The following PIK3C2B variants were observed in gnomAD, a reference collection of about 807,000 sequenced individuals.
PIK3C2B encodes phosphatidylinositol 4-phosphate 3-kinase C2 domain-containing subunit beta.
PIK3C2B carries 83 observed loss-of-function variants against 184.3 expected under a neutral mutation model. The observed-to-expected ratio is 0.45, with a 90% CI of 0.38 to 0.54. PIK3C2B has a LOEUF of 0.54. PIK3C2B is among the 20% of genes least tolerant of loss of function. The probability of loss-of-function intolerance (pLI) is 0.00; values close to 1 mark genes in which losing one functional copy is unlikely to be tolerated. For missense variants in PIK3C2B, 1,736 were observed against 2,113.5 expected (o/e 0.82, Z 3.50); for synonymous variants, 779 against 837.6 (o/e 0.93, Z 1.21).
chr1:204,449,925 G>T lies in PIK3C2B; in HGVS notation c.2159C>A (p.Ser720Tyr). Residue 720 changes from serine (S) to tyrosine (Y), a missense_variant, in exon 13 of 33, where the codon TCC becomes TAC. By Grantham distance (144) the Ser-to-Tyr change is moderately radical (BLOSUM62 -2). This residue lies in a region of PIK3C2B where 609 missense variants were observed against 699.2 expected (regional missense o/e 0.87). Coordinates refer to ENST00000684373, the MANE Select transcript of PIK3C2B (RefSeq NM_001377334.1). ...YALPIPPPGS[S>Y]SEANKQRRVP... is the part of the protein sequence containing the mutation. ...CCGCCGCTGCTTATTGGCCTCTGAG[G>T]AGCTCCCCGGTGGGGGGATGGGCAG... 1 of 1,613,708 alleles carries T rather than the reference G, an allele frequency of 6.2e-7. No individual in the cohort carries two copies. The highest frequency in any genetic ancestry group is 8.5e-7 in the Non-Finnish European group (1 of 1,179,862).
intron 1 of PIK3C2B, chr1:204,489,830 T>C (rs544179051): frequency 2.5e-6 from 1 of 398,062 alleles, no homozygotes; most frequent in South Asian, 1.3e-4. Flanking sequence ...TTCTTCTACC[T>C]GGCAAGGCAA....
chr1:204,494,124 C>CTGGAG (rs1450865411), intron 1 of PIK3C2B, among the ~76,000 whole-genome samples: 1 of 152,152 alleles, frequency 6.6e-6, no homozygotes, highest in South Asian at 2.1e-4. Context: ...CCTGAAGCTG[C>CTGGAG]TGGAGTGGAG....
In PIK3C2B at chr1:204,460,407, T is replaced by G. The variant is rs1455397259; in HGVS notation, c.1423-4A>C. On this transcript the variant is annotated splice_polypyrimidine_tract_variant and splice_region_variant and intron_variant, in intron 6 of 32. Coordinates refer to ENST00000684373, the MANE Select transcript of PIK3C2B (RefSeq NM_001377334.1). ...AGGGGCTCTGGTCATCATTCACCTG[T>G]ATAAGAAGTGACCTATTCAGAGAGG... is the stretch of plus-strand genomic sequence containing the variant. The G allele has an allele frequency of 5.6e-6, 9 of 1,612,196 alleles. No individual in the cohort carries two copies. The highest frequency in any genetic ancestry group is 1.7e-5 in the Admixed American group (1 of 60,008).
rs1267592830 is a variant in PIK3C2B, at chr1:204,455,990, T to C, written c.1809A>G (p.Thr603=). The C allele has an allele frequency of 1.2e-6, 2 of 1,614,162 alleles. No homozygotes were observed. The highest frequency in any genetic ancestry group is 1.7e-5 in the Admixed American group (1 of 60,032). Residue 603 remains threonine, a synonymous_variant, in exon 11 of 33, where the codon ACA becomes ACG. Transcript: ENST00000684373. ...ILDLVELYCN[T]FNADFQTAVP... ...CTGCCGTCTGGAAGTCTGCGTTGAATGTGTTGCAGTACAGCTCCACCAGGT... is the reference window on the plus strand; with the variant it reads ...CTGCCGTCTGGAAGTCTGCGTTGAACGTGTTGCAGTACAGCTCCACCAGGT...
chr1:204,446,055 G>A lies in PIK3C2B; in HGVS notation c.2579C>T (p.Ala860Val). ...CAGGCAAGCCCACTCCCAGCTGGGG[G>A]CGCTGGCGAGCACCAGGGGGAGCGA... ...VSSLPLVLAS[A>V]PSWEWACLPD... The change falls in exon 16 of 33, where the codon GCC becomes GTC. Residue 860 changes from alanine to valine, a missense_variant. Ala to Val is a moderately conservative substitution (Grantham distance 64). Around this residue, in one of 8 missense-constraint regions of PIK3C2B, gnomAD observed 609 missense variants for 699.2 expected, o/e 0.87. Coordinates refer to ENST00000684373, the MANE Select transcript of PIK3C2B (RefSeq NM_001377334.1). The A allele has an allele frequency of 6.2e-7, 1 of 1,601,844 alleles. No individual in the cohort carries two copies. The highest frequency in any genetic ancestry group is 8.5e-7 in the Non-Finnish European group (1 of 1,171,748).
At chr1:204,454,619 T>C in intron 12 of PIK3C2B, 50 bp downstream of exon 12, 5 of 1,601,280 alleles carry the variant, frequency 3.1e-6, no homozygotes, top group Non-Finnish European at 4.3e-6. Flanking sequence ...TTTCAGAGGC[T>C]GAGCAGGTCT....
chr1:204,481,254 C>G (rs557337436), intron 1 of PIK3C2B, among the ~76,000 whole-genome samples: 1 of 143,848 alleles, frequency 7.0e-6, no homozygotes, highest in South Asian at 2.3e-4. Flanking sequence ...GGCCTAGACC[C>G]ATAAGGTCAC....
chr1:204,483,764 C>T (rs189030475), intron 1 of PIK3C2B, among the ~76,000 whole-genome samples: 1 of 152,278 alleles, frequency 6.6e-6, no homozygotes, highest in East Asian at 1.9e-4. Flanking sequence ...AGACAGATGT[C>T]CTTAAGACAG....
chr1:204,450,034 G>A lies in PIK3C2B; in HGVS notation c.2067-17C>T. The A allele has an allele frequency of 6.5e-7, 1 of 1,535,344 alleles. No homozygotes were observed. Among genetic ancestry groups the A allele is most frequent in the Non-Finnish European group, 8.8e-7 (1 of 1,137,208 alleles). ...AAGCAGATCCTATGGAGGACAGGAAGTCAAATTAGGAGGGGCCACTCCTGT... is the reference window on the plus strand; with the variant it reads ...AAGCAGATCCTATGGAGGACAGGAAATCAAATTAGGAGGGGCCACTCCTGT... On this transcript the variant is annotated splice_polypyrimidine_tract_variant and intron_variant, in intron 12 of 32. Transcript: ENST00000684373.
intron 1 of PIK3C2B, among the ~76,000 whole-genome samples, chr1:204,482,247 C>T (rs919572895): frequency 6.6e-6 from 1 of 152,170 alleles, no homozygotes; most frequent in Non-Finnish European, 1.5e-5. Context: ...GGCAGCCTGC[C>T]CCTTTAAGGC....
rs1658241214 is a variant in PIK3C2B, at chr1:204,494,562, G to A, written c.-291C>T. 6.6e-6 allele frequency: 1 copy of A among 152,320 alleles called. No homozygotes were observed. Among genetic ancestry groups the A allele is most frequent in the African/African-American group, 2.4e-5 (1 of 41,392 alleles). The allele number at this position is 152,320 out of a possible 1,614,324, so 9.4% of individuals were successfully genotyped here. A position where few individuals can be genotyped will look rare whatever the true frequency, so the allele number is the denominator to read the frequency against. On this transcript the variant is annotated 5_prime_UTR_variant, in exon 1 of 33. Transcript: ENST00000684373. ...CAGACCCTAGGCTCCAAGGGGCAGAGGGAGAGGCAGCAAAGGGCGCAAGGA... is the reference window on the plus strand; with the variant it reads ...CAGACCCTAGGCTCCAAGGGGCAGAAGGAGAGGCAGCAAAGGGCGCAAGGA...
At chr1:204,485,910 T>C (rs929812288) in intron 1 of PIK3C2B, among the ~76,000 whole-genome samples, 3 of 152,172 alleles carry the variant, frequency 2.0e-5, no homozygotes, top group Non-Finnish European at 4.4e-5. Flanking sequence ...ATAAGAGCAG[T>C]GCCTGCACAT....
intron 8 of PIK3C2B, 84 bp from the exon 9 acceptor site, chr1:204,457,958 G>A: frequency 7.9e-7 from 1 of 1,267,874 alleles, no homozygotes; most frequent in Non-Finnish European, 1.1e-6. Flanking sequence ...GTCTTTAAAG[G>A]AAAGGGTTGG....
At chr1:204,472,585 C>G (rs1274440650) in intron 1 of PIK3C2B, among the ~76,000 whole-genome samples, 1 of 152,038 alleles carries the variant, frequency 6.6e-6, no homozygotes. Flanking sequence ...TCGAGACCAG[C>G]CTGGCTAACA....
intron 29 of PIK3C2B, 79 bp from the exon 30 acceptor site, chr1:204,428,299 G>A (rs60317484): frequency 2.4e-6 from 2 of 838,998 alleles, no homozygotes; most frequent in South Asian, 1.5e-5. Flanking sequence ...TGTTCCAGAT[G>A]TAAAAAGACT....
Position 204,455,964 on chromosome 1 carries a change from A to G in PIK3C2B, c.1835T>C (p.Val612Ala), listed in dbSNP as rs575096620. ...NTFNADFQTAVPGSRKHDLVQ... is the reference protein window; with the variant it reads ...NTFNADFQTAAPGSRKHDLVQ... ...CAGGTCATGCTTGCGGCTCCCGGGC[A>G]CTGCCGTCTGGAAGTCTGCGTTGAA... The change falls in exon 11 of 33, where the codon GTG becomes GCG. Residue 612 changes from valine (V) to alanine (A), a missense_variant. Transcript: ENST00000684373. 2 of 1,614,192 alleles carry G rather than the reference A, an allele frequency of 1.2e-6. No homozygotes were observed. Among genetic ancestry groups the G allele is most frequent in the East Asian group, 4.5e-5 (2 of 44,884 alleles).
chr1:204,467,216 T>G, intron 2 of PIK3C2B: 1 of 285,748 alleles, frequency 3.5e-6, no homozygotes, highest in Non-Finnish European at 6.9e-6. Context: ...GTGCCCTGAC[T>G]CAGTGAGCAG....
chr1:204,457,582 G>A (rs1256448168), intron 9 of PIK3C2B, 146 bp downstream of exon 9: 1 of 751,002 alleles, frequency 1.3e-6, no homozygotes, highest in African/African-American at 1.8e-5. Context: ...AGCTCTTGCG[G>A]TTGAATTCCT....
In PIK3C2B at chr1:204,440,226, G is replaced by T. The variant is rs1675576196; in HGVS notation, c.3345C>A (p.Val1115=). ...GGCCGGTGGAGAAGCAGCGGAAGATGACCATGCGCATGTCCAGCCCCTCCT... is the reference window on the plus strand; with the variant it reads ...GGCCGGTGGAGAAGCAGCGGAAGATTACCATGCGCATGTCCAGCCCCTCCT... The part of the protein sequence containing the change: ...WVQEGLDMRM[V]IFRCFSTGRG... Residue 1115 remains valine, a synonymous_variant, in exon 22 of 33, where the codon GTC becomes GTA. Coordinates refer to ENST00000684373, the MANE Select transcript of PIK3C2B (RefSeq NM_001377334.1). 1 of 1,612,598 alleles carries T rather than the reference G, an allele frequency of 6.2e-7. No homozygotes were observed. Among genetic ancestry groups the T allele is most frequent in the South Asian group, 1.1e-5 (1 of 91,038 alleles).
Sources: allele counts gnomAD v4.1 joint callset (sites outside exome capture counted in the v4.1 genomes callset), GRCh38; gene constraint gnomAD v4.1.1; regional missense constraint gnomAD v4.1.1; transcripts MANE v1.5; gene names NCBI Gene and HGNC (gene_info 2026-07-23, HGNC 2026-07-21).